ZSWIM5: variants seen among roughly 807,000 people sequenced by gnomAD.
The protein encoded by ZSWIM5 is zinc finger SWIM domain-containing protein 5.
A neutral mutation model predicts 119.6 loss-of-function variants in ZSWIM5; 55 were observed. The observed-to-expected ratio is 0.46, with a 90% CI of 0.37 to 0.58. ZSWIM5 has a LOEUF of 0.58. Among genes scored for constraint, ZSWIM5 ranks in the 20% least tolerant of loss-of-function variants. The probability of loss-of-function intolerance (pLI) is 0.00; values close to 1 mark genes in which losing one functional copy is unlikely to be tolerated. For synonymous variants in ZSWIM5, 537 were observed against 606.9 expected (o/e 0.88, Z 1.69); for missense variants, 1,193 against 1,512.8 (o/e 0.79, Z 3.51).
At chr1:45,054,952 A>C (rs967673948) in intron 4 of ZSWIM5, among the ~76,000 whole-genome samples, 1 of 152,056 alleles carries the variant, frequency 6.6e-6, no homozygotes, top group Non-Finnish European at 1.5e-5. Context: ...CAGCCTCCTA[A>C]GTAACTGGCA....
chr1:45,036,639 G>A (rs1014297650), intron 8 of ZSWIM5, among the ~76,000 whole-genome samples: 1 of 152,018 alleles, frequency 6.6e-6, no homozygotes, highest in Admixed American at 6.6e-5. Flanking sequence ...ACAGGTGTGA[G>A]CCACCGTATT....
chr1:45,134,906 A>G (rs1032915809), intron 1 of ZSWIM5, among the ~76,000 whole-genome samples: 4 of 152,210 alleles, frequency 2.6e-5, no homozygotes, highest in African/African-American at 9.6e-5. Flanking sequence ...TAGCATATGA[A>G]AGGATTTCTT....
intron 1 of ZSWIM5, among the ~76,000 whole-genome samples, chr1:45,188,316 T>C (rs1383683021): frequency 6.6e-6 from 1 of 152,176 alleles, no homozygotes; most frequent in Non-Finnish European, 1.5e-5. Context: ...CTTTAAAACA[T>C]TATGCTAAGT....
At chr1:45,203,768 G>T (rs990379357) in intron 1 of ZSWIM5, among the ~76,000 whole-genome samples, 4 of 151,974 alleles carry the variant, frequency 2.6e-5, no homozygotes, top group African/African-American at 9.7e-5. Flanking sequence ...TGCAGAACAG[G>T]CTATCCTTCT....
intron 1 of ZSWIM5, among the ~76,000 whole-genome samples, chr1:45,102,576 C>A (rs1304311183): frequency 6.6e-6 from 1 of 152,126 alleles, no homozygotes; most frequent in East Asian, 1.9e-4. Flanking sequence ...TCTTTTTCAT[C>A]TCTATATTTT....
chr1:45,127,372 T>A (rs999091549), intron 1 of ZSWIM5, among the ~76,000 whole-genome samples: 2 of 151,768 alleles, frequency 1.3e-5, no homozygotes, highest in Non-Finnish European at 2.9e-5. Flanking sequence ...AACCTACAGC[T>A]AACATACTTA....
At chr1:45,142,819 G>A (rs747563564) in intron 1 of ZSWIM5, among the ~76,000 whole-genome samples, 5 of 151,582 alleles carry the variant, frequency 3.3e-5, no homozygotes, top group Non-Finnish European at 7.4e-5. Context: ...TCCCAACACT[G>A]TTCTGTACTA....
At chr1:45,160,341 A>G (rs1242644886) in intron 1 of ZSWIM5, among the ~76,000 whole-genome samples, 4 of 152,184 alleles carry the variant, frequency 2.6e-5, no homozygotes, top group Non-Finnish European at 4.4e-5. Context: ...GAAATATACA[A>G]TACATTGTTG....
At chr1:45,044,804 A>T (rs189995560) in intron 5 of ZSWIM5, among the ~76,000 whole-genome samples, 74 of 2,346 alleles carry the variant, frequency 0.032, 9 homozygotes, top group South Asian at 0.068. Context: ...TATATATATA[A>T]ATATATATAT....
chr1:45,039,472 G>A (rs374008484), intron 7 of ZSWIM5, among the ~76,000 whole-genome samples: 5 of 152,254 alleles, frequency 3.3e-5, no homozygotes, highest in African/African-American at 7.2e-5. Context: ...TGCAACCTCC[G>A]CCTCCTGGGT....
chr1:45,191,032 C>T (rs985335595), intron 1 of ZSWIM5, among the ~76,000 whole-genome samples: 8 of 144,900 alleles, frequency 5.5e-5, no homozygotes, highest in African/African-American at 7.7e-5. Context: ...CTGCAAGCTG[C>T]GCCTCCCAGG....
At chr1:45,119,679 C>G (rs549232682) in intron 1 of ZSWIM5, among the ~76,000 whole-genome samples, 1 of 152,286 alleles carries the variant, frequency 6.6e-6, no homozygotes, top group Admixed American at 6.5e-5. Context: ...TCGTCAGTAG[C>G]TGTCTTAAAT....
chr1:45,105,820 C>A (rs565006996), intron 1 of ZSWIM5, among the ~76,000 whole-genome samples: 1 of 149,524 alleles, frequency 6.7e-6, no homozygotes, highest in East Asian at 2.0e-4. Context: ...AGAGCCTCTG[C>A]CCGGCCGCCC....
chr1:45,071,030 G>A (rs993031134), intron 2 of ZSWIM5, among the ~76,000 whole-genome samples: 1 of 152,102 alleles, frequency 6.6e-6, no homozygotes. Flanking sequence ...TGGGGTACAT[G>A]AGATGTTTTG....
At chr1:45,069,037 C>A (rs1296538829) in intron 2 of ZSWIM5, among the ~76,000 whole-genome samples, 2 of 151,578 alleles carry the variant, frequency 1.3e-5, no homozygotes, top group Non-Finnish European at 2.9e-5. Context: ...GTCTTGAACT[C>A]CTGGGCTCAT....
intron 1 of ZSWIM5, among the ~76,000 whole-genome samples, chr1:45,115,381 C>G (rs1645547632): frequency 6.6e-6 from 1 of 151,158 alleles, no homozygotes. Context: ...ACTTCCCAGA[C>G]TGGGCGGCTG....
chr1:45,083,200 G>A (rs367703313), intron 2 of ZSWIM5, among the ~76,000 whole-genome samples: 1 of 152,150 alleles, frequency 6.6e-6, no homozygotes, highest in Non-Finnish European at 1.5e-5. Context: ...ATAAAGCAAC[G>A]TAACATTTTT....
chr1:45,133,267 C>T (rs1403920126), intron 1 of ZSWIM5, among the ~76,000 whole-genome samples: 1 of 152,228 alleles, frequency 6.6e-6, no homozygotes, highest in Non-Finnish European at 1.5e-5. Flanking sequence ...ACATCCTCTA[C>T]AGCACCTGTT....
intron 1 of ZSWIM5, among the ~76,000 whole-genome samples, chr1:45,132,849 G>A (rs2149031370): frequency 6.6e-6 from 1 of 152,214 alleles, no homozygotes; most frequent in East Asian, 1.9e-4. Flanking sequence ...ACCTATAAGT[G>A]AGAACATGTG....
Sources: gnomAD v4.1 joint callset for allele counts (sites outside exome capture counted in the v4.1 genomes callset) on GRCh38, gnomAD v4.1.1 for gene constraint, MANE v1.5 for transcripts, NCBI Gene and HGNC (gene_info 2026-07-23, HGNC 2026-07-21) for gene names.